The following SGCD variants were observed in gnomAD, a reference collection of about 807,000 sequenced individuals.
SGCD encodes delta-sarcoglycan.
SGCD carries 18 observed loss-of-function variants against 36.6 expected under a neutral mutation model. The ratio of observed to expected loss-of-function variants is 0.49; its 90% CI spans 0.34 to 0.73. The LOEUF is 0.73. SGCD is among the 30% of genes least tolerant of loss of function. The probability of loss-of-function intolerance (pLI) is 0.01; values close to 1 mark genes in which losing one functional copy is unlikely to be tolerated. For synonymous variants in SGCD, 133 were observed against 130.6 expected (o/e 1.02, Z -0.12); for missense variants, 387 against 346.7 (o/e 1.12, Z -0.92).
the SGCD span, among the ~76,000 whole-genome samples, chr5:155,844,160 T>G: frequency 6.6e-6 from 1 of 151,958 alleles, no homozygotes; most frequent in Non-Finnish European, 1.5e-5. Flanking sequence ...TTATCTGAAG[T>G]TTGTATTGTT....
intron 3 of SGCD, among the ~76,000 whole-genome samples, chr5:156,431,704 T>G (rs1442289873): frequency 6.6e-6 from 1 of 152,044 alleles, no homozygotes; most frequent in African/African-American, 2.4e-5. Context: ...CTGCAATGAT[T>G]GTTTTGTTTT....
intron 3 of SGCD, among the ~76,000 whole-genome samples, chr5:156,162,849 T>C (rs1763116308): frequency 6.6e-6 from 1 of 151,616 alleles, no homozygotes; most frequent in Admixed American, 6.6e-5. Flanking sequence ...CCCTTGACTC[T>C]AAAATCCTTA....
At chr5:156,355,301 G>T (rs1039155836) in intron 3 of SGCD, among the ~76,000 whole-genome samples, 4 of 152,182 alleles carry the variant, frequency 2.6e-5, no homozygotes, top group Non-Finnish European at 5.9e-5. Flanking sequence ...TGGGATTAAG[G>T]TAGGAAAACA....
chr5:156,578,081 A>G (rs1000375743), intron 4 of SGCD, among the ~76,000 whole-genome samples: 4 of 152,190 alleles, frequency 2.6e-5, no homozygotes, highest in Admixed American at 2.0e-4. Context: ...ATTTTGAGAT[A>G]TGTCCCATCA....
chr5:156,042,888 C>G (rs545675522), intron 1 of SGCD, among the ~76,000 whole-genome samples: 1 of 152,316 alleles, frequency 6.6e-6, no homozygotes, highest in South Asian at 2.1e-4. Context: ...CTGGGCTCTT[C>G]TCAGCCTCCT....
the SGCD span, among the ~76,000 whole-genome samples, chr5:155,741,706 A>G: frequency 3.8e-5 from 4 of 104,480 alleles, no homozygotes; most frequent in Admixed American, 3.0e-4. Context: ...TTTTTTTTTT[A>G]ATTAGGGACT....
chr5:156,402,409 A>G (rs989391346), intron 3 of SGCD, among the ~76,000 whole-genome samples: 3 of 152,212 alleles, frequency 2.0e-5, no homozygotes, highest in African/African-American at 7.2e-5. Context: ...GAGAATGCAC[A>G]CTCTGAAGGT....
intron 3 of SGCD, among the ~76,000 whole-genome samples, chr5:156,212,307 G>A (rs764465046): frequency 2.0e-5 from 3 of 152,132 alleles, no homozygotes; most frequent in Non-Finnish European, 4.4e-5. Flanking sequence ...GAGAGTGAAG[G>A]CATGTTCTTT....
chr5:156,378,941 G>A (rs972768285), intron 3 of SGCD, among the ~76,000 whole-genome samples: 1 of 152,128 alleles, frequency 6.6e-6, no homozygotes, highest in Non-Finnish European at 1.5e-5. Flanking sequence ...TGCCTTTTAT[G>A]ATGAATCACT....
chr5:156,578,034 G>T (rs1354604626), intron 4 of SGCD, among the ~76,000 whole-genome samples: 2 of 152,142 alleles, frequency 1.3e-5, no homozygotes, highest in African/African-American at 2.4e-5. Flanking sequence ...CATTTAGTAT[G>T]ATATTGGCTG....
chr5:155,824,612 C>T, the SGCD span, among the ~76,000 whole-genome samples: 7 of 152,282 alleles, frequency 4.6e-5, no homozygotes, highest in East Asian at 1.2e-3. Context: ...ACATGCATTT[C>T]TTCCTCCAAG....
At chr5:155,832,985 G>A in the SGCD span, among the ~76,000 whole-genome samples, 11 of 149,060 alleles carry the variant, frequency 7.4e-5, no homozygotes, top group South Asian at 1.3e-3. Context: ...AGGCTGAGGC[G>A]GATCACGAGG....
chr5:156,154,890 C>G (rs536023133), intron 3 of SGCD, among the ~76,000 whole-genome samples: 1 of 151,726 alleles, frequency 6.6e-6, no homozygotes, highest in South Asian at 2.1e-4. Flanking sequence ...TGCTCCTTTT[C>G]CTGTTCCCTG....
intron 4 of SGCD, among the ~76,000 whole-genome samples, chr5:156,529,808 A>C (rs1302012592): frequency 6.6e-6 from 1 of 152,164 alleles, no homozygotes; most frequent in African/African-American, 2.4e-5. Context: ...TTGATGCAGC[A>C]CTCTATAAAT....
At chr5:155,841,342 T>A in the SGCD span, among the ~76,000 whole-genome samples, 1 of 152,224 alleles carries the variant, frequency 6.6e-6, no homozygotes, top group Admixed American at 6.5e-5. Context: ...AGTGGGAATG[T>A]GTATATGCAT....
chr5:156,091,074 G>T (rs1367219929), intron 1 of SGCD, among the ~76,000 whole-genome samples: 1 of 152,178 alleles, frequency 6.6e-6, no homozygotes, highest in Non-Finnish European at 1.5e-5. Context: ...GGGTCCTGAG[G>T]TGACATACAT....
intron 3 of SGCD, among the ~76,000 whole-genome samples, chr5:156,269,360 C>T (rs571214345): frequency 6.6e-6 from 1 of 151,554 alleles, no homozygotes; most frequent in East Asian, 2.0e-4. Context: ...GTCTCAGCTA[C>T]TCAGGAGGCT....
intron 4 of SGCD, among the ~76,000 whole-genome samples, chr5:156,558,161 ATT>A (rs1321938282): frequency 1.4e-5 from 2 of 145,078 alleles, no homozygotes; most frequent in Non-Finnish European, 3.0e-5. Context: ...TGAGATATTA[ATT>A]AAGTGTGGTC....
intron 3 of SGCD, among the ~76,000 whole-genome samples, chr5:156,159,885 A>G (rs1403621879): frequency 6.6e-6 from 1 of 151,616 alleles, no homozygotes; most frequent in East Asian, 1.9e-4. Flanking sequence ...CAAATCTTGT[A>G]TTGTTAAATA....
Sources: allele counts gnomAD v4.1 joint callset (sites outside exome capture counted in the v4.1 genomes callset), GRCh38; gene constraint gnomAD v4.1.1; transcripts MANE v1.5; gene names NCBI Gene and HGNC (gene_info 2026-07-23, HGNC 2026-07-21).